ERCC6: variants seen among roughly 807,000 people sequenced by gnomAD.
ERCC6 encodes ERCC excision repair 6, chromatin remodeling factor, also known as DNA excision repair protein ERCC-6.
In ERCC6, 116 loss-of-function variants were observed where a neutral mutation model predicts 158.7. That is an observed-to-expected ratio of 0.73 (90% CI 0.63 to 0.85). The LOEUF (loss-of-function observed/expected upper bound fraction) is 0.85. Among genes scored for constraint, ERCC6 ranks in the 40% least tolerant of loss-of-function variants. The pLI is 0.00. For missense variants in ERCC6, 1,698 were observed against 1,799.4 expected (o/e 0.94, Z 1.02); for synonymous variants, 678 against 659.3 (o/e 1.03, Z -0.43).
rs143809689 is a variant in ERCC6 at position 49,494,479 on chromosome 10, C to T, written c.1686-1227G>A. Among the ~76,000 whole-genome samples the T allele has an allele frequency of 1.9e-3, 284 of 152,204 alleles. 1 individual carries two copies. Among genetic ancestry groups the T allele is most frequent in the African/African-American group, 6.5e-3 (268 of 41,526 alleles). ...CCCAATTTCCTTAGACATAGGTATACGTAGAAAAACTGGTTGTGGCCATTG... is the reference window on the plus strand; with the variant it reads ...CCCAATTTCCTTAGACATAGGTATATGTAGAAAAACTGGTTGTGGCCATTG... On this transcript the variant is annotated intron_variant, in intron 7 of 20. Transcript: ENST00000355832.
In ERCC6 at chr10:49,470,317, C is replaced by T. The variant is rs377041857; in HGVS notation, c.3643G>A (p.Ala1215Thr). 76 of 1,614,018 alleles carry T rather than the reference C, an allele frequency of 4.7e-5. No homozygotes were observed. The highest frequency in any genetic ancestry group is 5.3e-5 in the African/African-American group (4 of 74,920). ...GGAATTCGAGTTCCTTCAAACTTGG[C>T]GTCTCTGCAATGCTTAGAGTTCTTA... ...KPKNSKHCRD[A>T]KFEGTRIPHL... The change falls in exon 18 of 21, where the codon GCC becomes ACC. Residue 1215 changes from alanine to threonine, a missense_variant. Coordinates refer to ENST00000355832, the MANE Select transcript of ERCC6 (RefSeq NM_000124.4).
At chr10:49,517,108 G>C (rs1162901544) in intron 5 of ERCC6, 3 of 1,591,508 alleles carry the variant, frequency 1.9e-6, no homozygotes, top group Admixed American at 3.4e-5. Context: ...CTTAGTGTTC[G>C]AGGCATCTTG....
the ERCC6 span, among the ~76,000 whole-genome samples, chr10:49,442,279 C>G: frequency 1.3e-5 from 2 of 152,220 alleles, no homozygotes; most frequent in East Asian, 3.8e-4. Flanking sequence ...CCTCAGCGCC[C>G]GGTGCGGGGT....
chr10:49,513,638 A>C (rs994430132), intron 5 of ERCC6, among the ~76,000 whole-genome samples: 1 of 152,092 alleles, frequency 6.6e-6, no homozygotes, highest in African/African-American at 2.4e-5. Flanking sequence ...CGGCAGGAGG[A>C]AGTGAGTGCA....
At position 49,473,601 on chromosome 10, in the gene ERCC6, G is replaced by A. The variant is rs765116128; in HGVS notation, c.2599-14C>T. 1.4e-6 allele frequency: 2 copies of A among 1,473,092 alleles called. No individual in the cohort carries two copies. The highest frequency in any genetic ancestry group is 1.9e-6 in the Non-Finnish European group (2 of 1,051,358). The allele number at this position is 1,473,092 out of a possible 1,614,324, so 91.3% of individuals were successfully genotyped here. A position where few individuals can be genotyped will look rare whatever the true frequency, so the allele number is the denominator to read the frequency against. On this transcript the variant is annotated splice_polypyrimidine_tract_variant and intron_variant, in intron 13 of 20. Transcript: ENST00000355832. Reference sequence around the variant, plus strand: ...TATGTCCAGCATCTGTTTGGAGGTGGGGGATAGGAGTTTGCAAAGCAAATA... The same window carrying A: ...TATGTCCAGCATCTGTTTGGAGGTGAGGGATAGGAGTTTGCAAAGCAAATA...
chr10:49,506,072 A>T (rs1388336873), intron 5 of ERCC6, 60 bp from the exon 6 acceptor site: 9 of 1,595,234 alleles, frequency 5.6e-6, no homozygotes. Flanking sequence ...ATTTAAAAAG[A>T]TAGCTCCTGA....
At chr10:49,474,291 A>G in intron 12 of ERCC6, 49 bp from the exon 13 acceptor site, 1 of 1,455,904 alleles carries the variant, frequency 6.9e-7, no homozygotes, top group Non-Finnish European at 9.6e-7. Flanking sequence ...CATGTAAAGT[A>G]AGATTCCCTA....
chr10:49,446,865 A>G, the ERCC6 span, among the ~76,000 whole-genome samples: 2 of 152,354 alleles, frequency 1.3e-5, 1 homozygote. Flanking sequence ...TTAGAAATAA[A>G]AAGTTCCAGA....
chr10:49,461,395 AG>A lies in ERCC6; in HGVS notation c.3939del (p.Trp1314GlyfsTer45), dbSNP rs1201866387. 1 of 1,613,976 alleles carries A rather than the reference AG, an allele frequency of 6.2e-7. No homozygotes were observed. On this transcript the variant is annotated frameshift_variant, in exon 19 of 21. Coordinates refer to ENST00000355832, the MANE Select transcript of ERCC6 (RefSeq NM_000124.4). LOFTEE classifies it high-confidence loss of function. ...CCAGAAATCCCCCTGTGGCCAGTCC[AG>A]GTGGGAACACCAGACACTGCTCCCA... is the stretch of plus-strand genomic sequence containing the variant. ...RCLGAVSGVP[T>X]WTGHRGISGA... is the part of the protein sequence containing the mutation.
rs1273013897 is a variant in ERCC6 at position 49,457,594 on chromosome 10, G to C, written c.*1221C>G. Reference sequence around the variant, plus strand: ...GAGATGTAAAGAAATAGCAGGGTAGGAGGGCAGGCATACTACAGAAAAATG... The same window carrying C: ...GAGATGTAAAGAAATAGCAGGGTAGCAGGGCAGGCATACTACAGAAAAATG... On this transcript the variant is annotated 3_prime_UTR_variant, in exon 21 of 21. Coordinates refer to ENST00000355832, the MANE Select transcript of ERCC6 (RefSeq NM_000124.4). 2.0e-5 allele frequency: 3 copies of C among 152,198 alleles called. No individual in the cohort carries two copies. Among genetic ancestry groups the C allele is most frequent in the Admixed American group, 6.5e-5 (1 of 15,278 alleles). 9.4% of individuals were successfully genotyped at this position (152,198 alleles called of 1,614,324 possible).
In ERCC6 at chr10:49,470,442, T is replaced by C. The variant is rs548520334; in HGVS notation, c.3518A>G (p.Gln1173Arg). Residue 1173 changes from glutamine (Q) to arginine (R), a missense_variant, in exon 18 of 21, where the codon CAA becomes CGA. Coordinates refer to ENST00000355832, the MANE Select transcript of ERCC6 (RefSeq NM_000124.4). ...AQTEAFWENK[Q>R]MENNFYKHKS... ...GTGCTTATAAAAATTATTTTCCATT[T>C]GTTTATTCTCCCAAAAAGCTTCTGT... 1 of 1,614,144 alleles carries C rather than the reference T, an allele frequency of 6.2e-7. No individual in the cohort carries two copies. The highest frequency in any genetic ancestry group is 8.5e-7 in the Non-Finnish European group (1 of 1,180,024).
At chr10:49,532,322 C>T (rs1193723879) in intron 2 of ERCC6, among the ~76,000 whole-genome samples, 1 of 152,166 alleles carries the variant, frequency 6.6e-6, no homozygotes, top group Admixed American at 6.5e-5. Flanking sequence ...CTGGCTTTCA[C>T]GAGCTGGACA....
chr10:49,504,367 ATAT>A (rs1385662320), intron 6 of ERCC6: 1 of 152,196 alleles, frequency 6.6e-6, no homozygotes, highest in Non-Finnish European at 1.5e-5. Context: ...AATATTATTT[ATAT>A]TAACTACTAT....
At chr10:49,448,956 T>C in the ERCC6 span, among the ~76,000 whole-genome samples, 1 of 152,274 alleles carries the variant, frequency 6.6e-6, no homozygotes, top group African/African-American at 2.4e-5. Context: ...TACAAGTTTC[T>C]GTGTGGACAT....
intron 5 of ERCC6, among the ~76,000 whole-genome samples, chr10:49,519,315 T>C (rs1248976115): frequency 2.6e-5 from 4 of 152,144 alleles, no homozygotes; most frequent in Admixed American, 6.5e-5. Flanking sequence ...GCCAATTAAC[T>C]GGAGGGGCCG....
At position 49,528,527 on chromosome 10, in the gene ERCC6, T is replaced by C. The variant is rs1554794073; in HGVS notation, c.544-2A>G. 1 of 1,614,186 alleles carries C rather than the reference T, an allele frequency of 6.2e-7. No homozygotes were observed. The highest frequency in any genetic ancestry group is 1.6e-4 in the Middle Eastern group (1 of 6,062). The stretch of plus-strand genomic sequence containing the variant: ...AGTGATCTTTTTTAGCTGTTGTTCC[T>C]TGAATGGTAAATATAGAAGACAGAA... On this transcript the variant is annotated splice_acceptor_variant, in intron 3 of 20. Coordinates refer to ENST00000355832, the MANE Select transcript of ERCC6 (RefSeq NM_000124.4). LOFTEE classifies it high-confidence loss of function.
At chr10:49,441,687 CAG>C in the ERCC6 span, among the ~76,000 whole-genome samples, 2 of 152,144 alleles carry the variant, frequency 1.3e-5, no homozygotes, top group Non-Finnish European at 2.9e-5. Flanking sequence ...CGGACGGGAG[CAG>C]AGAGTTCGCA....
In ERCC6 at chr10:49,528,521, T is replaced by C; in HGVS notation, c.548A>G (p.Gln183Arg). ...SVKRQKYNKE[Q>R]QLKKITAKQK... ...TTTTGCAGTGATCTTTTTTAGCTGT[T>C]GTTCCTTGAATGGTAAATATAGAAG... Residue 183 changes from glutamine to arginine, a missense_variant, in exon 4 of 21, where the codon CAA (glutamine) becomes CGA (arginine). By Grantham distance (43) the Gln-to-Arg change is conservative (BLOSUM62 1). Transcript: ENST00000355832. 2 of 1,614,210 alleles carry C rather than the reference T, an allele frequency of 1.2e-6. No individual in the cohort carries two copies. Among genetic ancestry groups the C allele is most frequent in the East Asian group, 2.2e-5 (1 of 44,888 alleles).
chr10:49,515,738 G>A, intron 5 of ERCC6: 1 of 1,614,132 alleles, frequency 6.2e-7, no homozygotes, highest in Non-Finnish European at 8.5e-7. Flanking sequence ...CGCCTCCCAT[G>A]AACTGGTTAT....
Sources: gnomAD v4.1 joint callset for allele counts (sites outside exome capture counted in the v4.1 genomes callset) on GRCh38, gnomAD v4.1.1 for gene constraint, MANE v1.5 for transcripts, NCBI Gene and HGNC (gene_info 2026-07-23, HGNC 2026-07-21) for gene names.